Variants in CREB3L2 observed in about 807,000 individuals in gnomAD.
The protein encoded by CREB3L2 is cAMP responsive element binding protein 3 like 2.
Under a neutral mutation model 57.2 loss-of-function variants are expected in CREB3L2, and 23 were observed. The ratio of observed to expected loss-of-function variants is 0.40; its 90% confidence interval spans 0.29 to 0.57. CREB3L2 has a LOEUF of 0.57. Among genes scored for constraint, CREB3L2 ranks in the 20% least tolerant of loss-of-function variants. The probability of loss-of-function intolerance (pLI) is 0.42; values close to 1 mark genes in which losing one functional copy is unlikely to be tolerated. For missense variants in CREB3L2, 628 were observed against 634.7 expected, an observed-to-expected ratio of 0.99 and a Z score of 0.11; for synonymous variants, 268 against 265.1, an observed-to-expected ratio of 1.01 and a Z score of -0.11.
chr7:137,935,492 T>C (rs917972122), intron 1 of CREB3L2, among the ~76,000 whole-genome samples: 1 of 152,220 alleles, frequency 6.6e-6, no homozygotes, highest in African/African-American at 2.4e-5. Flanking sequence ...GCCCTTTAAG[T>C]ATCTCTTAAT....
chr7:137,903,880 C>G, intron 7 of CREB3L2, 79 bp downstream of exon 7: 1 of 1,250,498 alleles, frequency 8.0e-7, no homozygotes. Context: ...AATTGAACTG[C>G]TTCTCCCCGA....
chr7:137,984,829 C>T (rs530100365), intron 1 of CREB3L2, among the ~76,000 whole-genome samples: 7 of 152,266 alleles, frequency 4.6e-5, no homozygotes, highest in South Asian at 2.1e-4. Flanking sequence ...AAGGAGTCTG[C>T]GTTTCATGAA....
chr7:137,914,834 C>T (rs1563250321), intron 3 of CREB3L2, among the ~76,000 whole-genome samples: 1 of 152,114 alleles, frequency 6.6e-6, no homozygotes, highest in Non-Finnish European at 1.5e-5. Flanking sequence ...TTTAATGAGT[C>T]TACTGATTCT....
chr7:137,966,095 C>CT (rs1307066249), intron 1 of CREB3L2, among the ~76,000 whole-genome samples: 1 of 152,066 alleles, frequency 6.6e-6, no homozygotes, highest in Non-Finnish European at 1.5e-5. Flanking sequence ...GCATCAAGGA[C>CT]TTAGGTGAAC....
intron 1 of CREB3L2, among the ~76,000 whole-genome samples, chr7:137,938,409 G>A (rs1170737337): frequency 2.6e-5 from 4 of 152,014 alleles, no homozygotes; most frequent in African/African-American, 4.8e-5. Flanking sequence ...ACAGTGGTGC[G>A]ATCTCGGCTC....
At chr7:137,912,151 C>T (rs749269369) in intron 4 of CREB3L2, among the ~76,000 whole-genome samples, 7 of 152,166 alleles carry the variant, frequency 4.6e-5, no homozygotes, top group Non-Finnish European at 8.8e-5. Flanking sequence ...CCGAAGCAGG[C>T]GGATTGCCTA....
chr7:137,999,472 T>A (rs1405840263), intron 1 of CREB3L2, among the ~76,000 whole-genome samples: 1 of 151,772 alleles, frequency 6.6e-6, no homozygotes, highest in Non-Finnish European at 1.5e-5. Context: ...TCACTCATGT[T>A]TCCAAGTGCT....
intron 11 of CREB3L2, among the ~76,000 whole-genome samples, chr7:137,881,548 G>A (rs931668553): frequency 3.3e-5 from 5 of 152,192 alleles, no homozygotes; most frequent in Non-Finnish European, 5.9e-5. Context: ...AAATATGTAT[G>A]TATAATGTAC....
chr7:137,972,734 T>TAGAG (rs1801537952), intron 1 of CREB3L2, among the ~76,000 whole-genome samples: 6 of 23,416 alleles, frequency 2.6e-4, no homozygotes, highest in African/African-American at 7.2e-4. Context: ...TATATATATA[T>TAGAG]ATAGAGAGAG....
At chr7:137,962,584 TATC>T (rs1789171340) in intron 1 of CREB3L2, among the ~76,000 whole-genome samples, 1 of 151,934 alleles carries the variant, frequency 6.6e-6, no homozygotes, top group Admixed American at 6.6e-5. Context: ...CAGACTCAAA[TATC>T]ACAACATCAG....
At position 137,894,136 on chromosome 7, in the gene CREB3L2, G is replaced by A. The variant is rs145915999; in HGVS notation, c.1043+7218C>T. Among the ~76,000 whole-genome samples, 320 of 152,296 alleles carry A rather than the reference G, an allele frequency of 2.1e-3. 1 individual carries two copies. The highest frequency in any genetic ancestry group is 6.7e-3 in the African/African-American group (280 of 41,556). On this transcript the variant is annotated intron_variant, in intron 8 of 11. Coordinates refer to ENST00000330387, the MANE Select transcript of CREB3L2 (RefSeq NM_194071.4). ...ATGGGCCACCTCTCAAGGTTGTTAT[G>A]AAGCTGGTAACCTGGACAGATGAGG...
At chr7:137,884,901 G>A (rs1210728049) in intron 10 of CREB3L2, 94 bp downstream of exon 10, 1 of 1,527,862 alleles carries the variant, frequency 6.5e-7, no homozygotes, top group African/African-American at 1.4e-5. Flanking sequence ...TTTAAACATT[G>A]GACTTTCACA....
At chr7:137,982,093 GCTTCTA>G (rs1195714617) in intron 1 of CREB3L2, among the ~76,000 whole-genome samples, 2 of 152,176 alleles carry the variant, frequency 1.3e-5, no homozygotes, top group African/African-American at 4.8e-5. Flanking sequence ...TTCCTTCTCA[GCTTCTA>G]CTTTAGAGGT....
chr7:137,904,095 G>T, intron 6 of CREB3L2, 78 bp from the exon 7 acceptor site: 1 of 1,221,232 alleles, frequency 8.2e-7, no homozygotes, highest in Non-Finnish European at 1.2e-6. Context: ...GGTGGTTAGC[G>T]TAGAAGTCAC....
chr7:137,884,703 C>T, intron 10 of CREB3L2: 1 of 595,834 alleles, frequency 1.7e-6, no homozygotes, highest in Non-Finnish European at 3.0e-6. Context: ...CTGCTTCCCT[C>T]TCCCTTATCA....
At chr7:137,955,324 G>A (rs766859132) in intron 1 of CREB3L2, 184 of 1,288,862 alleles carry the variant, frequency 1.4e-4, no homozygotes, top group Admixed American at 2.3e-4. Context: ...GAAGCTGGTC[G>A]CATCCTGGTT....
chr7:137,925,617 C>T (rs796593626), intron 2 of CREB3L2, among the ~76,000 whole-genome samples: 64 of 152,218 alleles, frequency 4.2e-4, no homozygotes, highest in African/African-American at 1.3e-3. Flanking sequence ...CCCTACAGAT[C>T]GCCACCTTAA....
At chr7:137,881,958 CAT>C (rs763458028) in intron 11 of CREB3L2, among the ~76,000 whole-genome samples, 15 of 152,276 alleles carry the variant, frequency 9.9e-5, no homozygotes, top group South Asian at 2.1e-4. Flanking sequence ...TTAATTAACA[CAT>C]GTGTATTTAC....
intron 1 of CREB3L2, among the ~76,000 whole-genome samples, chr7:137,962,425 T>C (rs274008): frequency 0.76 from 114,766 of 151,938 alleles, 43,394 homozygotes; most frequent in East Asian, 0.84. Context: ...TTTCTCTGCC[T>C]TCTCACCTTG....
Sources: gnomAD v4.1 joint callset for allele counts (sites outside exome capture counted in the v4.1 genomes callset) on GRCh38, gnomAD v4.1.1 for gene constraint, MANE v1.5 for transcripts, NCBI Gene and HGNC (gene_info 2026-07-23, HGNC 2026-07-21) for gene names.